TMEM132E: variants seen among roughly 807,000 people sequenced by gnomAD.
The protein encoded by TMEM132E is transmembrane protein 132E.
TMEM132E carries 49 observed loss-of-function variants against 78.5 expected under a neutral mutation model. That is an observed-to-expected ratio of 0.62 (90% CI 0.50 to 0.79). The LOEUF (loss-of-function observed/expected upper bound fraction) is 0.79, where lower values mean the gene tolerates loss of function less well. TMEM132E is among the 30% of genes least tolerant of loss of function. The probability of loss-of-function intolerance (pLI) is 0.00; values close to 1 mark genes in which losing one functional copy is unlikely to be tolerated. For synonymous variants in TMEM132E, 715 were observed against 670.6 expected, an observed-to-expected ratio of 1.07 and a Z score of -1.02; for missense variants, 1,403 against 1,470.9, an observed-to-expected ratio of 0.95 and a Z score of 0.75.
At chr17:34,620,406 G>A (rs567995084) in intron 1 of TMEM132E, among the ~76,000 whole-genome samples, 6 of 152,384 alleles carry the variant, frequency 3.9e-5, no homozygotes, top group East Asian at 3.9e-4. Flanking sequence ...GCAGTGTTCA[G>A]GGCCCACCGG....
At chr17:34,632,489 C>T (rs922826649) in intron 5 of TMEM132E, among the ~76,000 whole-genome samples, 30 of 152,340 alleles carry the variant, frequency 2.0e-4, no homozygotes, top group African/African-American at 7.0e-4. Context: ...CAAAATCCTC[C>T]CCCAGTGGGC....
chr17:34,580,349 G>A lies in TMEM132E; in HGVS notation c.-728G>A, dbSNP rs1008713572. Reference sequence around the variant, plus strand: ...CCGGCCTGTGTGGAGCCTGGGCCCTGATCCAGACTGGAGAAAGCGCGCTGG... The same window carrying A: ...CCGGCCTGTGTGGAGCCTGGGCCCTAATCCAGACTGGAGAAAGCGCGCTGG... On this transcript the variant is annotated 5_prime_UTR_variant, in exon 1 of 9. Transcript: ENST00000631683. 1 of 152,362 alleles carries A rather than the reference G, an allele frequency of 6.6e-6. No homozygotes were observed. Among genetic ancestry groups the A allele is most frequent in the East Asian group, 1.9e-4 (1 of 5,168 alleles). 9.4% of individuals were successfully genotyped at this position (152,362 alleles called of 1,614,324 possible). A position where few individuals can be genotyped will look rare whatever the true frequency, so the allele number is the denominator to read the frequency against.
At chr17:34,604,659 C>T (rs1477113185) in intron 1 of TMEM132E, among the ~76,000 whole-genome samples, 2 of 152,214 alleles carry the variant, frequency 1.3e-5, no homozygotes, top group Admixed American at 6.5e-5. Context: ...GTCTGTCCCC[C>T]TCAGAAACCA....
At chr17:34,597,173 G>A (rs1310929131) in intron 1 of TMEM132E, among the ~76,000 whole-genome samples, 1 of 152,116 alleles carries the variant, frequency 6.6e-6, no homozygotes, top group Non-Finnish European at 1.5e-5. Flanking sequence ...TTTCCCAGGG[G>A]AGACCTGCAC....
At chr17:34,636,717 G>A (rs374087017) in intron 8 of TMEM132E, among the ~76,000 whole-genome samples, 1 of 152,186 alleles carries the variant, frequency 6.6e-6, no homozygotes, top group East Asian at 1.9e-4. Flanking sequence ...TTCCTCATCT[G>A]GAGGGAGGGC....
Position 34,580,509 on chromosome 17 carries a change from T to C in TMEM132E, c.-568T>C, listed in dbSNP as rs1905427019. The C allele has an allele frequency of 6.6e-6, 1 of 152,294 alleles. No individual in the cohort carries two copies. Among genetic ancestry groups the C allele is most frequent in the Non-Finnish European group, 1.5e-5 (1 of 68,064 alleles). 9.4% of individuals were successfully genotyped at this position (152,294 alleles called of 1,614,324 possible). A position where few individuals can be genotyped will look rare whatever the true frequency, so the allele number is the denominator to read the frequency against. On this transcript the variant is annotated 5_prime_UTR_variant, in exon 1 of 9. It removes an upstream start codon present in the reference 5' UTR. Transcript: ENST00000631683. ...GCACGGAAACTTTTCCTTCTCCAGA[T>C]GGATTAAAGTTGTCTGGATTTTCTC...
intron 1 of TMEM132E, among the ~76,000 whole-genome samples, chr17:34,604,852 C>T (rs925507999): frequency 2.0e-5 from 3 of 152,238 alleles, no homozygotes; most frequent in Admixed American, 6.5e-5. Context: ...TTCCTCCTCA[C>T]GACAGCCCCA....
intron 1 of TMEM132E, among the ~76,000 whole-genome samples, chr17:34,618,540 T>C (rs985786567): frequency 2.0e-5 from 3 of 152,154 alleles, no homozygotes; most frequent in African/African-American, 7.2e-5. Context: ...CCAACATTTG[T>C]AAATCTTTGA....
At chr17:34,601,379 C>T (rs1051034812) in intron 1 of TMEM132E, among the ~76,000 whole-genome samples, 1 of 152,232 alleles carries the variant, frequency 6.6e-6, no homozygotes, top group Non-Finnish European at 1.5e-5. Flanking sequence ...AGGAGATCCC[C>T]CAGTCCCTGA....
At chr17:34,628,366 G>T (rs996421860) in intron 2 of TMEM132E, among the ~76,000 whole-genome samples, 197 bp from the exon 3 acceptor site, 2 of 152,200 alleles carry the variant, frequency 1.3e-5, no homozygotes, top group Non-Finnish European at 2.9e-5. Flanking sequence ...AGCTTTCACC[G>T]AGGGTCAGAG....
chr17:34,626,511 G>T lies in TMEM132E; in HGVS notation c.452G>T (p.Arg151Leu). The change falls in exon 2 of 9, where the codon CGG becomes CTG. Residue 151 changes from arginine (R) to leucine (L), a missense_variant. Arg to Leu is a moderately radical substitution (Grantham distance 102). This residue lies in a region of TMEM132E where 511 missense variants were observed against 499.0 expected (regional missense o/e 1.02). Coordinates refer to ENST00000631683, the MANE Select transcript of TMEM132E (RefSeq NM_001304438.2). ...VVQVLFYVAG[R>L]DWDDFGVTER... ...CAGGTGCTGTTCTACGTAGCCGGCC[G>T]GGACTGGGACGACTTCGGCGTCACC... The T allele has an allele frequency of 6.2e-7, 1 of 1,608,174 alleles. No homozygotes were observed. Among genetic ancestry groups the T allele is most frequent in the Non-Finnish European group, 8.5e-7 (1 of 1,178,922 alleles).
rs562432850 is a variant in TMEM132E, at chr17:34,614,289, C to G, written c.68-11838C>G. 4 of 152,452 alleles carry G rather than the reference C, an allele frequency of 2.6e-5. 1 individual carries two copies. The highest frequency in any genetic ancestry group is 1.9e-4 in the East Asian group (1 of 5,184). 9.4% of individuals were successfully genotyped at this position (152,452 alleles called of 1,614,324 possible). On this transcript the variant is annotated intron_variant, in intron 1 of 8. Coordinates refer to ENST00000631683, the MANE Select transcript of TMEM132E (RefSeq NM_001304438.2). ...CAAATAAACCTCCTGACCCCTATTCCTACATCCCTGAGACCCCCACGCAGC... is the reference window on the plus strand; with the variant it reads ...CAAATAAACCTCCTGACCCCTATTCGTACATCCCTGAGACCCCCACGCAGC...
intron 1 of TMEM132E, among the ~76,000 whole-genome samples, chr17:34,616,486 A>G (rs1205767289): frequency 6.6e-6 from 1 of 152,196 alleles, no homozygotes; most frequent in East Asian, 1.9e-4. Context: ...TTCCCCGGCT[A>G]CATGTCCTTG....
In TMEM132E at chr17:34,632,930, C is replaced by T. The variant is rs199531716; in HGVS notation, c.1688+21C>T. Reference sequence around the variant, plus strand: ...CGGAGGTACAGCCCCTCTCCCATGGCGGATACTTGGGAAACTCATGGGTGG... The same window carrying T: ...CGGAGGTACAGCCCCTCTCCCATGGTGGATACTTGGGAAACTCATGGGTGG... On this transcript the variant is annotated intron_variant, in intron 6 of 8. Coordinates refer to ENST00000631683, the MANE Select transcript of TMEM132E (RefSeq NM_001304438.2). 5.5e-5 allele frequency: 89 copies of T among 1,612,658 alleles called. No homozygotes were observed. The Middle Eastern group carries it at 8.6e-4, about 16-fold the overall frequency.
At chr17:34,609,326 A>G (rs1327899112) in intron 1 of TMEM132E, among the ~76,000 whole-genome samples, 1 of 152,134 alleles carries the variant, frequency 6.6e-6, no homozygotes, top group African/African-American at 2.4e-5. Flanking sequence ...AAGTGAAGTG[A>G]GATGGGGAGA....
intron 1 of TMEM132E, among the ~76,000 whole-genome samples, chr17:34,596,189 CA>C (rs1410673137): frequency 6.6e-6 from 1 of 152,190 alleles, no homozygotes; most frequent in Non-Finnish European, 1.5e-5. Context: ...ATTTGAAGAT[CA>C]GGTTCTTGTT....
intron 1 of TMEM132E, among the ~76,000 whole-genome samples, chr17:34,604,682 C>T (rs1462581005): frequency 2.6e-5 from 4 of 152,238 alleles, no homozygotes; most frequent in African/African-American, 9.6e-5. Flanking sequence ...TTTGACCTCT[C>T]TGTGCCCCTC....
At chr17:34,633,474 T>C (rs1443643209) in intron 6 of TMEM132E, among the ~76,000 whole-genome samples, 1 of 152,246 alleles carries the variant, frequency 6.6e-6, no homozygotes, top group Non-Finnish European at 1.5e-5. Flanking sequence ...CTTGCGGGCT[T>C]GTAGGCTCAG....
Position 34,637,985 on chromosome 17 carries a change from G to A in TMEM132E, c.2978G>A (p.Gly993Asp), listed in dbSNP as rs1199065700. The stretch of plus-strand genomic sequence containing the variant: ...GGCAGGGGCGACGGCTCCTCGGGCG[G>A]CTCAGCCCGAGACCAAGCCGAGGAC... ...VHGRGDGSSG[G>D]SARDQAEDPA... The change falls in exon 9 of 9, where the codon GGC becomes GAC. Residue 993 changes from glycine to aspartate, a missense_variant. By Grantham distance (94) the Gly-to-Asp change is moderately conservative. Around this residue, in one of 3 missense-constraint regions of TMEM132E, gnomAD observed 888 missense variants for 952.8 expected, o/e 0.93. Coordinates refer to ENST00000631683, the MANE Select transcript of TMEM132E (RefSeq NM_001304438.2). 6.3e-7 allele frequency: 1 copy of A among 1,589,128 alleles called. No homozygotes were observed. The highest frequency in any genetic ancestry group is 8.6e-7 in the Non-Finnish European group (1 of 1,168,992).
Sources: allele counts gnomAD v4.1 joint callset (sites outside exome capture counted in the v4.1 genomes callset), GRCh38; gene constraint gnomAD v4.1.1; regional missense constraint gnomAD v4.1.1; transcripts MANE v1.5; gene names NCBI Gene and HGNC (gene_info 2026-07-23, HGNC 2026-07-21).